PITPNC1: variants seen among roughly 807,000 people sequenced by gnomAD.
PITPNC1 encodes cytoplasmic phosphatidylinositol transfer protein 1.
Under a neutral mutation model 44.7 loss-of-function variants are expected in PITPNC1, and 18 were observed. The ratio of observed to expected loss-of-function variants is 0.40; its 90% CI spans 0.28 to 0.60. The LOEUF is 0.60. Among genes scored for constraint, PITPNC1 ranks in the 20% least tolerant of loss-of-function variants. PITPNC1 has a pLI of 0.39. For missense variants in PITPNC1, 290 were observed against 418.4 expected (o/e 0.69, Z 2.68); for synonymous variants, 141 against 149.6 (o/e 0.94, Z 0.42).
At chr17:67,443,876 C>G (rs2039054393) in intron 1 of PITPNC1, among the ~76,000 whole-genome samples, 1 of 152,018 alleles carries the variant, frequency 6.6e-6, no homozygotes, top group Non-Finnish European at 1.5e-5. Flanking sequence ...CTCAGGTGAT[C>G]TGCCTGCCTC....
intron 5 of PITPNC1, among the ~76,000 whole-genome samples, chr17:67,591,246 G>C (rs1481595985): frequency 6.6e-6 from 1 of 152,130 alleles, no homozygotes; most frequent in Non-Finnish European, 1.5e-5. Flanking sequence ...AATTGTTGAG[G>C]TCATGAAAGA....
intron 1 of PITPNC1, among the ~76,000 whole-genome samples, chr17:67,401,532 C>G (rs191556027): frequency 2.0e-5 from 3 of 152,158 alleles, no homozygotes; most frequent in Admixed American, 2.0e-4. Flanking sequence ...CACATGCTGA[C>G]TCTTTAAACA....
intron 1 of PITPNC1, among the ~76,000 whole-genome samples, chr17:67,521,744 G>A (rs77647057): frequency 0.04 from 6,104 of 152,188 alleles, 170 homozygotes; most frequent in Middle Eastern, 0.061. Flanking sequence ...AAAAGCAATT[G>A]GAATTGGTCT....
At position 67,522,659 on chromosome 17, in the gene PITPNC1, C is replaced by CTTTTTTTTTTTTTTTTTTTTT. The variant is rs773797594; in HGVS notation, c.49-10129_49-10128insTTTTTTTTTTTTTTTTTTTTT. ...ATATCATAAAATTTACCATTTTAATCTTTTTTTTTTTTTTGGAAAATGAGG... is the reference window on the plus strand; with the variant it reads ...ATATCATAAAATTTACCATTTTAATCTTTTTTTTTTTTTTTTTTTTTTTTTTTTTTTTTTTGGAAAATGAGG... On this transcript the variant is annotated intron_variant, in intron 1 of 8. Transcript: ENST00000581322. Among the ~76,000 whole-genome samples, 67 of 117,200 alleles carry CTTTTTTTTTTTTTTTTTTTTT rather than the reference C, an allele frequency of 5.7e-4. 10 individuals carry two copies. Among genetic ancestry groups the CTTTTTTTTTTTTTTTTTTTTT allele is most frequent in the African/African-American group, 2.4e-3 (55 of 22,812 alleles). The allele number at this position is 117,200 out of a possible 152,430, so 76.9% of individuals were successfully genotyped here. A position where few individuals can be genotyped will look rare whatever the true frequency, so the allele number is the denominator to read the frequency against.
intron 1 of PITPNC1, among the ~76,000 whole-genome samples, chr17:67,437,838 C>A (rs2038958312): frequency 6.6e-6 from 1 of 152,104 alleles, no homozygotes; most frequent in Middle Eastern, 3.2e-3. Flanking sequence ...GAGGCCGAGG[C>A]GGGCGGATCA....
At chr17:67,666,044 T>C (rs1412757476) in intron 6 of PITPNC1, among the ~76,000 whole-genome samples, 1 of 152,118 alleles carries the variant, frequency 6.6e-6, no homozygotes, top group Non-Finnish European at 1.5e-5. Flanking sequence ...GCTTTTACCA[T>C]GTTGCCCAGG....
chr17:67,648,059 A>G (rs995432683), intron 6 of PITPNC1, among the ~76,000 whole-genome samples: 2 of 152,196 alleles, frequency 1.3e-5, no homozygotes, highest in East Asian at 1.9e-4. Flanking sequence ...ATTGTCTTCA[A>G]ATTACAGACT....
chr17:67,397,630 G>C (rs1038060866), intron 1 of PITPNC1, among the ~76,000 whole-genome samples: 11 of 152,118 alleles, frequency 7.2e-5, no homozygotes, highest in African/African-American at 2.7e-4. Flanking sequence ...TAAATCATGG[G>C]CTGGGGTAAA....
At chr17:67,690,666 G>A (rs771737630) in intron 8 of PITPNC1, among the ~76,000 whole-genome samples, 4 of 151,988 alleles carry the variant, frequency 2.6e-5, no homozygotes, top group Admixed American at 6.6e-5. Context: ...GAAAATCCGC[G>A]GGCACTAAAT....
In PITPNC1 at chr17:67,495,877, C is replaced by T. The variant is rs1422687055; in HGVS notation, c.49-36925C>T. On this transcript the variant is annotated intron_variant, in intron 1 of 8. Coordinates refer to ENST00000581322, the MANE Select transcript of PITPNC1 (RefSeq NM_012417.4). ...TTTAGCTAACTCTATGATGTTGTCACGCTGACATGAATAGAGAGGGTTTTG... is the reference window on the plus strand; with the variant it reads ...TTTAGCTAACTCTATGATGTTGTCATGCTGACATGAATAGAGAGGGTTTTG... Among the ~76,000 whole-genome samples the T allele has an allele frequency of 9.2e-5, 14 of 152,170 alleles. No individual in the cohort carries two copies. In the East Asian group the frequency reaches 2.1e-3, roughly 23 times the overall value.
intron 1 of PITPNC1, among the ~76,000 whole-genome samples, chr17:67,442,390 G>C (rs574596699): frequency 6.6e-6 from 1 of 151,098 alleles, no homozygotes; most frequent in African/African-American, 2.4e-5. Context: ...AGCCCGCCCA[G>C]TGGATGAGGT....
intron 1 of PITPNC1, among the ~76,000 whole-genome samples, chr17:67,489,296 T>C (rs1329777107): frequency 2.6e-5 from 4 of 152,230 alleles, no homozygotes; most frequent in Non-Finnish European, 4.4e-5. Flanking sequence ...AGAGTGGCCC[T>C]GTTCCAGGGT....
At chr17:67,653,672 C>T (rs905319637) in intron 6 of PITPNC1, among the ~76,000 whole-genome samples, 8 of 152,168 alleles carry the variant, frequency 5.3e-5, no homozygotes, top group East Asian at 3.9e-4. Context: ...CTCTGCATTA[C>T]GGAACTTTTC....
chr17:67,434,797 CAA>C (rs148706274), intron 1 of PITPNC1, among the ~76,000 whole-genome samples: 38 of 51,744 alleles, frequency 7.3e-4, no homozygotes, highest in Admixed American at 6.4e-4. Context: ...GACTCTGCCT[CAA>C]AAAAAAAAAA....
intron 1 of PITPNC1, among the ~76,000 whole-genome samples, chr17:67,472,462 A>G (rs527412656): frequency 6.6e-6 from 1 of 151,326 alleles, no homozygotes; most frequent in Non-Finnish European, 1.5e-5. Context: ...CCTGGCTAAC[A>G]CAGTGAAACC....
intron 1 of PITPNC1, among the ~76,000 whole-genome samples, chr17:67,473,077 C>T (rs1303764117): frequency 6.6e-6 from 1 of 152,016 alleles, no homozygotes; most frequent in Non-Finnish European, 1.5e-5. Context: ...GGGGTTTCAC[C>T]ATGTTAGCCA....
chr17:67,597,952 G>A lies in PITPNC1; in HGVS notation c.366+19695G>A, dbSNP rs917875618. Among the ~76,000 whole-genome samples, 4 of 152,140 alleles carry A rather than the reference G, an allele frequency of 2.6e-5. No individual in the cohort carries two copies. Among genetic ancestry groups the A allele is most frequent in the East Asian group, 1.9e-4 (1 of 5,180 alleles). ...GAAATAGAGAGGAGACGCTGGGTGC[G>A]GTGGCTCATGCCTGTAATCCCAGCA... On this transcript the variant is annotated intron_variant, in intron 5 of 8. Coordinates refer to ENST00000581322, the MANE Select transcript of PITPNC1 (RefSeq NM_012417.4). The surrounding 1 kb of genome is among the most constrained non-coding windows in gnomAD (Gnocchi z 4.0).
At chr17:67,536,250 A>G (rs2040525837) in intron 2 of PITPNC1, among the ~76,000 whole-genome samples, 1 of 152,206 alleles carries the variant, frequency 6.6e-6, no homozygotes. Context: ...AGAAAAAAAT[A>G]TTGATTAATT....
At chr17:67,441,284 C>CG (rs555455949) in intron 1 of PITPNC1, among the ~76,000 whole-genome samples, 28 of 150,470 alleles carry the variant, frequency 1.9e-4, no homozygotes, top group Non-Finnish European at 2.8e-4. Flanking sequence ...TAAGCCCCCC[C>CG]CCGCCACCCA....
Sources: allele counts gnomAD v4.1 joint callset (sites outside exome capture counted in the v4.1 genomes callset), GRCh38; gene constraint gnomAD v4.1.1; non-coding constraint Gnocchi (gnomAD v3.1); transcripts MANE v1.5; gene names NCBI Gene and HGNC (gene_info 2026-07-23, HGNC 2026-07-21).